The following NR1I3 variants were observed in gnomAD, a reference collection of about 807,000 sequenced individuals.
NR1I3 encodes the protein nuclear receptor subfamily 1 group I member 3.
NR1I3 carries 30 observed loss-of-function variants against 38.4 expected under a neutral mutation model. That is an observed-to-expected ratio of 0.78 (90% CI 0.58 to 1.06). The LOEUF (loss-of-function observed/expected upper bound fraction) is 1.06. Among genes scored for constraint, NR1I3 ranks in the 50% least tolerant of loss-of-function variants. The pLI is 0.00. For missense variants in NR1I3, 388 were observed against 435.7 expected (o/e 0.89, Z 0.97); for synonymous variants, 143 against 165.1 (o/e 0.87, Z 1.03).
intron 8 of NR1I3, 29 bp downstream of exon 8, chr1:161,230,784 G>A: frequency 3.1e-6 from 5 of 1,613,638 alleles, no homozygotes; most frequent in Non-Finnish European, 4.2e-6. Flanking sequence ...CCCTGGTGTG[G>A]CCTCCAAGCC....
chr1:161,229,988 T>G, intron 8 of NR1I3, 62 bp from the exon 9 acceptor site: 2 of 1,592,544 alleles, frequency 1.3e-6, no homozygotes, highest in Non-Finnish European at 1.7e-6. Flanking sequence ...TTGGGAGTCT[T>G]GTCTCTAGGC....
At chr1:161,237,898 G>T in intron 1 of NR1I3, 143 bp downstream of exon 1, 2 of 730,308 alleles carry the variant, frequency 2.7e-6, no homozygotes, top group East Asian at 2.6e-5. Context: ...AACCCAGGTT[G>T]GTCTTGAACT....
chr1:161,230,138 G>T, intron 8 of NR1I3: 1 of 567,206 alleles, frequency 1.8e-6, no homozygotes. Context: ...ACCATGCTCA[G>T]TTTTTTCTGA....
intron 1 of NR1I3, among the ~76,000 whole-genome samples, chr1:161,237,697 G>A (rs868270292): frequency 5.9e-5 from 9 of 151,668 alleles, no homozygotes; most frequent in East Asian, 2.0e-4. Flanking sequence ...CAGCTTGGGC[G>A]ACAGAGCGAG....
At chr1:161,236,119 T>C in intron 2 of NR1I3, 142 bp from the exon 3 acceptor site, 4 of 896,716 alleles carry the variant, frequency 4.5e-6, no homozygotes, top group Non-Finnish European at 6.7e-6. Context: ...GTGGATAGTA[T>C]CCAACACATC....
intron 3 of NR1I3, among the ~76,000 whole-genome samples, chr1:161,234,084 T>G (rs1353461390): frequency 6.6e-6 from 1 of 151,726 alleles, no homozygotes; most frequent in East Asian, 1.9e-4. Context: ...CTCTGCCCCC[T>G]GGGTTCAAGC....
chr1:161,234,814 TTAAG>T, intron 3 of NR1I3, among the ~76,000 whole-genome samples: 1 of 152,312 alleles, frequency 6.6e-6, no homozygotes, highest in African/African-American at 2.4e-5. Flanking sequence ...AAAGCATTAA[TTAAG>T]TTATTGAGCA....
intron 2 of NR1I3, 58 bp from the exon 3 acceptor site, chr1:161,236,035 A>C (rs1211401145): frequency 6.5e-7 from 1 of 1,528,848 alleles, no homozygotes; most frequent in Non-Finnish European, 8.8e-7. Context: ...TGAGGGGCTG[A>C]GATGACATGG....
chr1:161,237,266 T>TG (rs1668786750), intron 1 of NR1I3, among the ~76,000 whole-genome samples: 1 of 150,058 alleles, frequency 6.7e-6, no homozygotes, highest in Non-Finnish European at 1.5e-5. Context: ...AGGGCAGTGG[T>TG]GCAATCTTGG....
intron 1 of NR1I3, among the ~76,000 whole-genome samples, chr1:161,237,726 C>A (rs1019354803): frequency 6.6e-5 from 10 of 151,514 alleles, no homozygotes; most frequent in Admixed American, 1.3e-4. Context: ...TCAAAAAAAA[C>A]CCAAAAAAAC....
intron 1 of NR1I3, among the ~76,000 whole-genome samples, chr1:161,236,974 T>A (rs1048726565): frequency 1.3e-5 from 2 of 151,600 alleles, no homozygotes; most frequent in South Asian, 2.1e-4. Flanking sequence ...TTGTTTATTT[T>A]TTTTTGTTTA....
chr1:161,229,726 G>A lies in NR1I3; in HGVS notation c.*71C>T, dbSNP rs537248708. 6.2e-7 allele frequency: 1 copy of A among 1,614,190 alleles called. No individual in the cohort carries two copies. The highest frequency in any genetic ancestry group is 1.1e-5 in the South Asian group (1 of 91,082). ...CCCTTTGAACCCGGCCCAATCTTTG[G>A]TCCCAGCATTTTCCCACTCCAGTGT... On this transcript the variant is annotated 3_prime_UTR_variant, in exon 9 of 9. Coordinates refer to ENST00000367983, the MANE Select transcript of NR1I3 (RefSeq NM_005122.5).
rs1217423237 is a variant in NR1I3 at position 161,230,327 on chromosome 1, G to A, written c.918-401C>T. 4 of 293,112 alleles carry A rather than the reference G, an allele frequency of 1.4e-5. 1 individual carries two copies. Among genetic ancestry groups the A allele is most frequent in the South Asian group, 1.0e-4 (2 of 19,596 alleles). 18.2% of individuals were successfully genotyped at this position (293,112 alleles called of 1,614,324 possible). A position where few individuals can be genotyped will look rare whatever the true frequency, so the allele number is the denominator to read the frequency against. ...TTGGAGGAACGAGCAAAACAGAAGC[G>A]GTGCATACCTCAGAGCCTGGATAAA... is the stretch of plus-strand genomic sequence containing the variant. On this transcript the variant is annotated intron_variant, in intron 8 of 8. Coordinates refer to ENST00000367983, the MANE Select transcript of NR1I3 (RefSeq NM_005122.5).
intron 5 of NR1I3, 115 bp downstream of exon 5, chr1:161,232,692 A>C (rs1571708583): frequency 2.0e-6 from 2 of 1,022,476 alleles, no homozygotes; most frequent in East Asian, 4.8e-5. Context: ...GGAATTCAAG[A>C]CCTAATGCTT....
At chr1:161,233,835 ATATG>A (rs199948971) in intron 3 of NR1I3, among the ~76,000 whole-genome samples, 114 of 94,996 alleles carry the variant, frequency 1.2e-3, no homozygotes, top group African/African-American at 1.6e-3. Context: ...CATCATATAT[ATATG>A]TGTGTGTGTG....
At chr1:161,232,179 T>A (rs1048382938) in intron 5 of NR1I3, among the ~76,000 whole-genome samples, 2 of 151,616 alleles carry the variant, frequency 1.3e-5, no homozygotes, top group African/African-American at 4.9e-5. Context: ...TAGAGACGGA[T>A]TTCACCATGT....
At chr1:161,232,051 A>T (rs1667453685) in intron 5 of NR1I3, among the ~76,000 whole-genome samples, 1 of 151,018 alleles carries the variant, frequency 6.6e-6, no homozygotes, top group Admixed American at 6.6e-5. Context: ...TAGTGGCCTG[A>T]TCTCGGCTAC....
chr1:161,231,234 C>G lies in NR1I3; in HGVS notation c.695-1G>C, dbSNP rs1220725530. 6.2e-7 allele frequency: 1 copy of G among 1,614,162 alleles called. No homozygotes were observed. Among genetic ancestry groups the G allele is most frequent in the South Asian group, 1.1e-5 (1 of 91,086 alleles). ...TCCAAAAACTCTACCTGGAACCCCACTGTGGGAGATACTAGGATTAGGAGC... is the reference window on the plus strand; with the variant it reads ...TCCAAAAACTCTACCTGGAACCCCAGTGTGGGAGATACTAGGATTAGGAGC... On this transcript the variant is annotated splice_acceptor_variant, in intron 6 of 8. Transcript: ENST00000367983. LOFTEE classifies it high-confidence loss of function.
chr1:161,235,904 G>A lies in NR1I3; in HGVS notation c.181C>T (p.Arg61Cys), dbSNP rs748184864. 41 of 1,613,790 alleles carry A rather than the reference G, an allele frequency of 2.5e-5. No homozygotes were observed. Among genetic ancestry groups the A allele is most frequent in the South Asian group, 2.5e-4 (23 of 91,058 alleles). Residue 61 changes from arginine (R) to cysteine (C), a missense_variant, in exon 3 of 9, where the codon CGC (arginine) becomes TGC (cysteine). Transcript: ENST00000367983. ...TGCAACCTGCAGGCTGGGCAGTGGCGCCTCTGAGTCTTGCTGACTTCACAG... is the reference window on the plus strand; with the variant it reads ...TGCAACCTGCAGGCTGGGCAGTGGCACCTCTGAGTCTTGCTGACTTCACAG... ...GSCEVSKTQR[R>C]HCPACRLQKC...
Sources: gnomAD v4.1 joint callset for allele counts (sites outside exome capture counted in the v4.1 genomes callset) on GRCh38, gnomAD v4.1.1 for gene constraint, MANE v1.5 for transcripts, NCBI Gene and HGNC (gene_info 2026-07-23, HGNC 2026-07-21) for gene names.